TNPO1: variants seen among roughly 807,000 people sequenced by gnomAD.
The protein encoded by TNPO1 is transportin-1.
A neutral mutation model predicts 119.5 loss-of-function variants in TNPO1; 8 were observed. That is an observed-to-expected ratio of 0.07 (90% CI 0.04 to 0.12). The LOEUF (loss-of-function observed/expected upper bound fraction) is 0.12, where lower values mean the gene tolerates loss of function less well. Among genes scored for constraint, TNPO1 ranks in the 10% least tolerant of loss-of-function variants. TNPO1 has a pLI of 1.00. For synonymous variants in TNPO1, 362 were observed against 363.0 expected, an observed-to-expected ratio of 1.00 and a Z score of 0.03; for missense variants, 576 against 1,089.8, an observed-to-expected ratio of 0.53 and a Z score of 6.64.
At chr5:72,882,153 A>G (rs571009268) in intron 9 of TNPO1, among the ~76,000 whole-genome samples, 6 of 152,282 alleles carry the variant, frequency 3.9e-5, no homozygotes, top group African/African-American at 1.4e-4. Context: ...AGTCTTACCT[A>G]GTTAAATTAT....
chr5:72,850,580 G>A (rs1240698960), intron 2 of TNPO1, among the ~76,000 whole-genome samples: 2 of 152,216 alleles, frequency 1.3e-5, no homozygotes, highest in South Asian at 2.1e-4. Context: ...AGGGCTTGAA[G>A]AAAGATGTAA....
At chr5:72,824,392 T>C (rs969760884) in intron 1 of TNPO1, among the ~76,000 whole-genome samples, 1 of 152,214 alleles carries the variant, frequency 6.6e-6, no homozygotes, top group African/African-American at 2.4e-5. Flanking sequence ...CCTCTAGTAC[T>C]CTGTTAAACC....
chr5:72,871,814 C>A (rs1747429338), intron 6 of TNPO1: 1 of 152,026 alleles, frequency 6.6e-6, no homozygotes, highest in African/African-American at 2.4e-5. Context: ...GGAGGAGCCA[C>A]AGTATAAAGG....
chr5:72,903,773 T>C lies in TNPO1; in HGVS notation c.2579T>C (p.Met860Thr). ...WINPKDDLRD[M>T]FCKILHGFKN... ...AACCCAAAAGATGATCTCAGAGACATGTTCTGTAAGGTAACTAATAAGTCT... is the reference window on the plus strand; with the variant it reads ...AACCCAAAAGATGATCTCAGAGACACGTTCTGTAAGGTAACTAATAAGTCT... Residue 860 changes from methionine (M) to threonine (T), a missense_variant, in exon 23 of 25, where the codon ATG becomes ACG. This residue lies in a region of TNPO1 where 162 missense variants were observed against 294.1 expected (regional missense o/e 0.55). Coordinates refer to ENST00000337273, the MANE Select transcript of TNPO1 (RefSeq NM_002270.4). 1 of 1,605,704 alleles carries C rather than the reference T, an allele frequency of 6.2e-7. No homozygotes were observed. The highest frequency in any genetic ancestry group is 8.5e-7 in the Non-Finnish European group (1 of 1,174,850).
rs1013732286 is a variant in TNPO1, at chr5:72,889,977, T to C, written c.1701+20T>C. 1.2e-6 allele frequency: 2 copies of C among 1,606,598 alleles called. No homozygotes were observed. Among genetic ancestry groups the C allele is most frequent in the Non-Finnish European group, 1.7e-6 (2 of 1,177,040 alleles). On this transcript the variant is annotated intron_variant, in intron 14 of 24. Coordinates refer to ENST00000337273, the MANE Select transcript of TNPO1 (RefSeq NM_002270.4). ...AAACCAGTAAGTATCTGTTAAGAACTATTAGGGAAAATAATGTGTAGCATA... is the reference window on the plus strand; with the variant it reads ...AAACCAGTAAGTATCTGTTAAGAACCATTAGGGAAAATAATGTGTAGCATA...
intron 18 of TNPO1, among the ~76,000 whole-genome samples, chr5:72,895,490 T>C (rs1214226093): frequency 6.6e-6 from 1 of 152,070 alleles, no homozygotes; most frequent in Admixed American, 6.5e-5. Context: ...GTGCCATTGA[T>C]GTCTAGTGGG....
At chr5:72,816,812 G>T in intron 1 of TNPO1, 60 bp downstream of exon 1, 1 of 1,534,652 alleles carries the variant, frequency 6.5e-7, no homozygotes, top group Non-Finnish European at 8.8e-7. Context: ...GGCTGGGAGC[G>T]CCGAGCTGCC....
chr5:72,848,456 G>C lies in TNPO1; in HGVS notation c.87G>C (p.Glu29Asp), dbSNP rs1724724416. ...GLQQILQLLK[E>D]SQSPDTTIQR... ...AGCAAATCCTGCAGCTGTTGAAGGAGTCCCAGTCCCCAGACACCACCATCC... is the reference window on the plus strand; with the variant it reads ...AGCAAATCCTGCAGCTGTTGAAGGACTCCCAGTCCCCAGACACCACCATCC... The change falls in exon 2 of 25, where the codon GAG (glutamate) becomes GAC (aspartate). Residue 29 changes from glutamate to aspartate, a missense_variant. By Grantham distance (45) the Glu-to-Asp change is conservative. Coordinates refer to ENST00000337273, the MANE Select transcript of TNPO1 (RefSeq NM_002270.4). 6.2e-7 allele frequency: 1 copy of C among 1,611,988 alleles called. No individual in the cohort carries two copies. The highest frequency in any genetic ancestry group is 8.5e-7 in the Non-Finnish European group (1 of 1,178,912).
In TNPO1 at chr5:72,822,907, ACT is replaced by A. The variant is rs1491424915; in HGVS notation, c.15+6156_15+6157del. 4.9e-5 allele frequency among the ~76,000 whole-genome samples: 5 copies of A among 102,248 alleles called. No individual in the cohort carries two copies. The East Asian group carries it at 8.6e-4, about 18-fold the overall frequency. The allele number at this position is 102,248 out of a possible 152,430, so 67.1% of individuals were successfully genotyped here. A position where few individuals can be genotyped will look rare whatever the true frequency, so the allele number is the denominator to read the frequency against. On this transcript the variant is annotated intron_variant, in intron 1 of 24. Coordinates refer to ENST00000337273, the MANE Select transcript of TNPO1 (RefSeq NM_002270.4). ...TGCGCCCGGCCTGGCCTGGGTCTAC[ACT>A]TTTTTTTTTTTTTTTTTTTTTTTGG...
chr5:72,857,709 T>C (rs1319112563), intron 4 of TNPO1, among the ~76,000 whole-genome samples: 5 of 152,246 alleles, frequency 3.3e-5, no homozygotes, highest in South Asian at 2.1e-4. Context: ...AAACGAGTTA[T>C]GAGATTGTTT....
chr5:72,907,617 C>T (rs1561367215), intron 24 of TNPO1, among the ~76,000 whole-genome samples: 1 of 152,126 alleles, frequency 6.6e-6, no homozygotes, highest in Non-Finnish European at 1.5e-5. Flanking sequence ...TACCTTATTT[C>T]TTAATATCCT....
intron 4 of TNPO1, among the ~76,000 whole-genome samples, chr5:72,858,285 G>GTCATTA (rs1476953220): frequency 5.3e-5 from 8 of 152,230 alleles, no homozygotes; most frequent in African/African-American, 1.9e-4. Context: ...CTAGTTAATG[G>GTCATTA]ATACATTTAG....
At chr5:72,827,628 T>C (rs1043716459) in intron 1 of TNPO1, among the ~76,000 whole-genome samples, 1 of 152,178 alleles carries the variant, frequency 6.6e-6, no homozygotes, top group Non-Finnish European at 1.5e-5. Flanking sequence ...CCTGAACAAC[T>C]GAGTGAAAAC....
chr5:72,889,021 A>G (rs986215948), intron 13 of TNPO1, among the ~76,000 whole-genome samples: 3 of 152,120 alleles, frequency 2.0e-5, no homozygotes, highest in African/African-American at 7.2e-5. Flanking sequence ...TGACCTTGAT[A>G]GTAGGAAAAA....
intron 6 of TNPO1, among the ~76,000 whole-genome samples, chr5:72,868,493 T>C (rs1747124262): frequency 6.7e-6 from 1 of 149,980 alleles, no homozygotes; most frequent in Non-Finnish European, 1.5e-5. Flanking sequence ...TGTGGGTGTG[T>C]TATGGGGTAG....
At chr5:72,872,147 A>AT (rs1243971236) in intron 6 of TNPO1, among the ~76,000 whole-genome samples, 1 of 152,212 alleles carries the variant, frequency 6.6e-6, no homozygotes, top group African/African-American at 2.4e-5. Context: ...AAGAGATCAG[A>AT]GATCATGGCT....
intron 11 of TNPO1, among the ~76,000 whole-genome samples, chr5:72,885,779 T>C (rs951328270): frequency 6.7e-6 from 1 of 149,118 alleles, no homozygotes; most frequent in African/African-American, 2.5e-5. Flanking sequence ...TATTATTGTC[T>C]AGTAGTTTGT....
At chr5:72,839,535 A>G (rs1325839582) in intron 1 of TNPO1, among the ~76,000 whole-genome samples, 1 of 152,188 alleles carries the variant, frequency 6.6e-6, no homozygotes, top group Non-Finnish European at 1.5e-5. Flanking sequence ...TGTACTTACT[A>G]GTCCTTACTA....
At chr5:72,818,741 C>G (rs1432651242) in intron 1 of TNPO1, among the ~76,000 whole-genome samples, 1 of 151,916 alleles carries the variant, frequency 6.6e-6, no homozygotes, top group Non-Finnish European at 1.5e-5. Context: ...ATATCTTCCC[C>G]CCTCAAAACA....
Sources: gnomAD v4.1 joint callset for allele counts (sites outside exome capture counted in the v4.1 genomes callset) on GRCh38, gnomAD v4.1.1 for gene constraint, gnomAD v4.1.1 regional missense constraint, MANE v1.5 for transcripts, NCBI Gene and HGNC (gene_info 2026-07-23, HGNC 2026-07-21) for gene names.